STARD9: variants seen among roughly 807,000 people sequenced by gnomAD.
STARD9 encodes the protein stAR-related lipid transfer protein 9.
STARD9 carries 346 observed loss-of-function variants against 399.8 expected under a neutral mutation model. The ratio of observed to expected loss-of-function variants is 0.87; its 90% CI spans 0.79 to 0.95. The LOEUF (loss-of-function observed/expected upper bound fraction) is 0.95, where lower values mean the gene tolerates loss of function less well. Among genes scored for constraint, STARD9 ranks in the 40% least tolerant of loss-of-function variants. STARD9 has a pLI of 0.00. For synonymous variants in STARD9, 2,203 were observed against 2,143.5 expected, an observed-to-expected ratio of 1.03 and a Z score of -0.77; for missense variants, 5,832 against 5,667.5, an observed-to-expected ratio of 1.03 and a Z score of -0.93.
intron 3 of STARD9, among the ~76,000 whole-genome samples, chr15:42,616,531 G>C (rs2058965274): frequency 6.6e-6 from 1 of 152,122 alleles, no homozygotes; most frequent in Admixed American, 6.6e-5. Context: ...TATCACAGTG[G>C]TTCAGAGCAA....
At position 42,688,506 on chromosome 15, in the gene STARD9, C is replaced by G; in HGVS notation, c.6928C>G (p.Gln2310Glu). 6.5e-7 allele frequency: 1 copy of G among 1,537,852 alleles called. No individual in the cohort carries two copies. The highest frequency in any genetic ancestry group is 8.7e-7 in the Non-Finnish European group (1 of 1,147,036). ...SQLCRDTFFR[Q>E]ETVSPLLSRT... is the part of the protein sequence containing the mutation. ...GCTTTGTAGGGACACGTTTTTCAGG[C>G]AGGAAACTGTCAGCCCATTACTAAG... The change falls in exon 23 of 33, where the codon CAG becomes GAG. Residue 2310 changes from glutamine to glutamate, a missense_variant. Gln to Glu is a conservative substitution (Grantham distance 29). Around this residue, in one of 2 missense-constraint regions of STARD9, gnomAD observed 5,828 missense variants for 5,651.1 expected, o/e 1.03. Coordinates refer to ENST00000290607, the MANE Select transcript of STARD9 (RefSeq NM_020759.3).
Position 42,687,111 on chromosome 15 carries a change from G to T in STARD9, c.5533G>T (p.Asp1845Tyr), listed in dbSNP as rs2060577997. Residue 1845 changes from aspartate to tyrosine, a missense_variant, in exon 23 of 33, where the codon GAT (aspartate) becomes TAT (tyrosine). Asp to Tyr is a radical substitution (Grantham distance 160, BLOSUM62 -3). Coordinates refer to ENST00000290607, the MANE Select transcript of STARD9 (RefSeq NM_020759.3). ...TGGAAATATTACAGAAGAAAGCCAT[G>T]ATTCAGTTTATTCTTCTGTTACTCA... Reference protein sequence around the residue: ...CPGNITEESHDSVYSSVTQNR... With the variant: ...CPGNITEESHYSVYSSVTQNR... 6.5e-7 allele frequency: 1 copy of T among 1,537,238 alleles called. No homozygotes were observed. The highest frequency in any genetic ancestry group is 1.2e-5 in the South Asian group (1 of 84,048).
At chr15:42,666,526 T>A (rs2060105967) in intron 15 of STARD9, among the ~76,000 whole-genome samples, 1 of 152,106 alleles carries the variant, frequency 6.6e-6, no homozygotes, top group Admixed American at 6.6e-5. Flanking sequence ...ACTAAGCTGG[T>A]TAGAATGGGT....
chr15:42,650,135 T>TTCTG (rs1404607017), intron 7 of STARD9, among the ~76,000 whole-genome samples: 1 of 152,164 alleles, frequency 6.6e-6, no homozygotes, highest in Non-Finnish European at 1.5e-5. Flanking sequence ...AGTGCTGGGA[T>TTCTG]TACAGGCATG....
intron 3 of STARD9, among the ~76,000 whole-genome samples, chr15:42,601,894 C>A (rs1200048286): frequency 1.3e-5 from 2 of 152,250 alleles, no homozygotes; most frequent in Non-Finnish European, 2.9e-5. Context: ...GTCACCTGGG[C>A]TGGAGTGCAG....
At chr15:42,605,691 G>A (rs905745941) in intron 3 of STARD9, among the ~76,000 whole-genome samples, 2 of 152,186 alleles carry the variant, frequency 1.3e-5, no homozygotes, top group Non-Finnish European at 2.9e-5. Context: ...ATACAGCTGC[G>A]TTCTGGGGAT....
rs568962422 is a variant in STARD9 at position 42,680,799 on chromosome 15, G to A, written c.1875-623G>A. On this transcript the variant is annotated intron_variant, in intron 20 of 32. Transcript: ENST00000290607. ...TCAGTATATATCTTTGAAAGGTGTG[G>A]TAGAGTCTAAAACTCTTGAATCCTA... Among the ~76,000 whole-genome samples the A allele has an allele frequency of 3.3e-5, 5 of 152,230 alleles. No homozygotes were observed. The South Asian group carries it at 1.0e-3, about 32-fold the overall frequency.
chr15:42,689,233 T>A lies in STARD9; in HGVS notation c.7655T>A (p.Leu2552Ter). The A allele has an allele frequency of 6.5e-7, 1 of 1,537,222 alleles. No homozygotes were observed. The highest frequency in any genetic ancestry group is 1.2e-5 in the South Asian group (1 of 84,056). The change falls in exon 23 of 33, where the codon TTG (leucine) becomes TAG (stop). Residue 2552 changes from leucine (L) to a stop codon, truncating the protein, a stop_gained. Coordinates refer to ENST00000290607, the MANE Select transcript of STARD9 (RefSeq NM_020759.3). LOFTEE classifies it high-confidence loss of function. ...SDHASMCLAI[L>*]EEIRQAKAQR... Reference sequence around the variant, plus strand: ...CATGCATCCATGTGCCTGGCCATCTTGGAGGAGATCAGACAGGCAAAGGCC... The same window carrying A: ...CATGCATCCATGTGCCTGGCCATCTAGGAGGAGATCAGACAGGCAAAGGCC...
chr15:42,634,997 C>A, intron 4 of STARD9, 25 bp downstream of exon 4: 1 of 1,312,508 alleles, frequency 7.6e-7, no homozygotes, highest in Non-Finnish European at 1.1e-6. Context: ...GATATATATT[C>A]CTAATGCCAC....
In STARD9 at chr15:42,717,039, T is replaced by C. The variant is rs2061363763; in HGVS notation, c.13485T>C (p.Ser4495=). The C allele has an allele frequency of 6.5e-7, 1 of 1,537,108 alleles. No individual in the cohort carries two copies. The part of the protein sequence containing the change: ...QDLAKHVVDT[S]MADVMAACSD... ...TGGCCAAGCATGTCGTGGACACTTC[T>C]ATGGCTGATGTGAGTAACTGCTCCC... The change falls in exon 28 of 33, where the codon TCT becomes TCC. Residue 4495 remains serine (S), a synonymous_variant. Coordinates refer to ENST00000290607, the MANE Select transcript of STARD9 (RefSeq NM_020759.3).
In STARD9 at chr15:42,693,389, C is replaced by G; in HGVS notation, c.11811C>G (p.Ser3937Arg). The part of the protein sequence containing the change: ...PVEGHQKLDS[S>R]PDPVDAPRTP... ...AAGGCCACCAGAAGCTTGACTCCAG[C>G]CCAGACCCTGTTGATGCCCCAAGGA... The change falls in exon 23 of 33, where the codon AGC (serine) becomes AGG (arginine). Residue 3937 changes from serine to arginine, a missense_variant. By Grantham distance (110) the Ser-to-Arg change is moderately radical (BLOSUM62 -1). This residue lies in a region of STARD9 where 5,828 missense variants were observed against 5,651.1 expected (regional missense o/e 1.03). Coordinates refer to ENST00000290607, the MANE Select transcript of STARD9 (RefSeq NM_020759.3). The G allele has an allele frequency of 6.5e-7, 1 of 1,537,142 alleles. No homozygotes were observed. Among genetic ancestry groups the G allele is most frequent in the Non-Finnish European group, 8.7e-7 (1 of 1,146,876 alleles).
rs2060774330 is a variant in STARD9 at position 42,693,798 on chromosome 15, G to A, written c.12220G>A (p.Asp4074Asn). The change falls in exon 23 of 33, where the codon GAC (aspartate) becomes AAC (asparagine). Residue 4074 changes from aspartate to asparagine, a missense_variant. By Grantham distance (23) the Asp-to-Asn change is conservative (BLOSUM62 1). Coordinates refer to ENST00000290607, the MANE Select transcript of STARD9 (RefSeq NM_020759.3). ...TCCAGGGGAACCACAACGCACTCTG[G>A]ACCGACCTTCTTCATGGGGAGGCCT... ...ASPGEPQRTL[D>N]RPSSWGGLQH... is the part of the protein sequence containing the mutation. The A allele has an allele frequency of 6.5e-7, 1 of 1,536,284 alleles. No individual in the cohort carries two copies. Among genetic ancestry groups the A allele is most frequent in the South Asian group, 1.2e-5 (1 of 83,978 alleles).
chr15:42,686,713 A>C lies in STARD9; in HGVS notation c.5135A>C (p.His1712Pro), dbSNP rs1214465919. The C allele has an allele frequency of 7.8e-6, 12 of 1,537,736 alleles. No homozygotes were observed. The South Asian group carries it at 1.4e-4, about 18-fold the overall frequency. ...QESSKEAVRR[H>P]INVSFALPSG... ...AGCTCTAAGGAAGCAGTTAGAAGAC[A>C]CATAAATGTTTCCTTTGCCCTTCCT... is the stretch of plus-strand genomic sequence containing the variant. The change falls in exon 23 of 33, where the codon CAC (histidine) becomes CCC (proline). Residue 1712 changes from histidine to proline, a missense_variant. Physicochemically the swap from His to Pro is moderately conservative, Grantham distance 77 (BLOSUM62 -2). Transcript: ENST00000290607.
chr15:42,657,908 G>A (rs1001869135), intron 9 of STARD9, among the ~76,000 whole-genome samples: 1 of 152,152 alleles, frequency 6.6e-6, no homozygotes, highest in Non-Finnish European at 1.5e-5. Flanking sequence ...GAGAACAATT[G>A]GATGTCTATA....
At chr15:42,601,940 G>T (rs953661888) in intron 3 of STARD9, among the ~76,000 whole-genome samples, 1 of 152,178 alleles carries the variant, frequency 6.6e-6, no homozygotes, top group African/African-American at 2.4e-5. Context: ...CTCTGCCTCC[G>T]GGTTCAGGTG....
chr15:42,705,012 G>A (rs1286518824), intron 26 of STARD9, among the ~76,000 whole-genome samples: 1 of 152,202 alleles, frequency 6.6e-6, no homozygotes, highest in Non-Finnish European at 1.5e-5. Context: ...TCCTGATGGG[G>A]TGGGGAATTC....
intron 16 of STARD9, among the ~76,000 whole-genome samples, chr15:42,673,359 A>G (rs776563068): frequency 2.6e-5 from 4 of 151,958 alleles, no homozygotes; most frequent in Non-Finnish European, 5.9e-5. Context: ...CTGAGATTGC[A>G]CCACTGTACT....
chr15:42,578,339 G>C (rs887757500), intron 1 of STARD9, among the ~76,000 whole-genome samples: 4 of 151,998 alleles, frequency 2.6e-5, no homozygotes, highest in African/African-American at 9.7e-5. Flanking sequence ...TCAAACTCCT[G>C]ACCTCACCTG....
Position 42,652,607 on chromosome 15 carries a change from A to G in STARD9, c.702+15A>G. On this transcript the variant is annotated intron_variant, in intron 9 of 32. Coordinates refer to ENST00000290607, the MANE Select transcript of STARD9 (RefSeq NM_020759.3). ...ACTACACGCAGGTTGGTAACTCCTT[A>G]TGTTTGGTGAGATTTCTTCCTCTCC... 6.5e-7 allele frequency: 1 copy of G among 1,534,438 alleles called. No homozygotes were observed. The highest frequency in any genetic ancestry group is 8.7e-7 in the Non-Finnish European group (1 of 1,144,262).
Sources: gnomAD v4.1 joint callset for allele counts (sites outside exome capture counted in the v4.1 genomes callset) on GRCh38, gnomAD v4.1.1 for gene constraint, gnomAD v4.1.1 regional missense constraint, MANE v1.5 for transcripts, NCBI Gene and HGNC (gene_info 2026-07-23, HGNC 2026-07-21) for gene names.